Variants in AKAP19 observed in about 807,000 individuals in gnomAD.
The protein encoded by AKAP19 is A-kinase anchoring protein 19.
the AKAP19 span, among the ~76,000 whole-genome samples, chr2:190,116,069 G>A: frequency 2.7e-3 from 407 of 152,322 alleles, 2 homozygotes; most frequent in African/African-American, 9.2e-3. Flanking sequence ...TTAAATAGAA[G>A]AGGTATATTC....
the AKAP19 span, among the ~76,000 whole-genome samples, chr2:189,983,718 C>G: frequency 6.6e-6 from 1 of 152,178 alleles, no homozygotes; most frequent in African/African-American, 2.4e-5. Flanking sequence ...TCCTGGGAAC[C>G]CATTGGTCCC....
chr2:189,999,815 T>C, the AKAP19 span, among the ~76,000 whole-genome samples: 15 of 152,320 alleles, frequency 9.8e-5, no homozygotes, highest in African/African-American at 3.1e-4. Context: ...TCTTGGTTTA[T>C]TACTATTCAG....
the AKAP19 span, among the ~76,000 whole-genome samples, chr2:189,906,436 A>G: frequency 1.3e-5 from 2 of 152,052 alleles, no homozygotes; most frequent in African/African-American, 4.8e-5. Context: ...CATAACTGGG[A>G]ACAGTTATGT....
the AKAP19 span, chr2:190,062,203 T>C: frequency 2.5e-6 from 4 of 1,611,990 alleles, no homozygotes; most frequent in Non-Finnish European, 2.5e-6. Flanking sequence ...ACTGTTGATA[T>C]ACACTAATAG....
At chr2:189,959,092 T>C in the AKAP19 span, among the ~76,000 whole-genome samples, 61 of 152,188 alleles carry the variant, frequency 4.0e-4, no homozygotes, top group East Asian at 0.011. Flanking sequence ...AACTGGGTGA[T>C]GGAATATAAA....
the AKAP19 span, among the ~76,000 whole-genome samples, chr2:190,184,054 T>C: frequency 6.6e-6 from 1 of 152,118 alleles, no homozygotes; most frequent in Non-Finnish European, 1.5e-5. Context: ...GAACCACTCA[T>C]GGTGTTATAA....
At chr2:189,928,552 C>A in the AKAP19 span, among the ~76,000 whole-genome samples, 1 of 152,058 alleles carries the variant, frequency 6.6e-6, no homozygotes, top group Non-Finnish European at 1.5e-5. Flanking sequence ...AATTAATAAA[C>A]AGAAATTTAA....
At chr2:190,091,960 TTGAC>T in the AKAP19 span, among the ~76,000 whole-genome samples, 3 of 152,214 alleles carry the variant, frequency 2.0e-5, no homozygotes, top group Non-Finnish European at 2.9e-5. Flanking sequence ...AATAAACAAA[TTGAC>T]TGACTACAAT....
chr2:189,986,548 T>G, the AKAP19 span, among the ~76,000 whole-genome samples: 1 of 152,126 alleles, frequency 6.6e-6, no homozygotes, highest in Non-Finnish European at 1.5e-5. Context: ...GCATTTGGCT[T>G]AGCAAAATTT....
At chr2:190,168,619 C>T in the AKAP19 span, among the ~76,000 whole-genome samples, 4 of 152,228 alleles carry the variant, frequency 2.6e-5, no homozygotes, top group African/African-American at 9.7e-5. Context: ...CAAGTCACCT[C>T]TTGAATGCTT....
the AKAP19 span, among the ~76,000 whole-genome samples, chr2:189,940,763 C>T: frequency 2.6e-4 from 39 of 151,570 alleles, no homozygotes; most frequent in African/African-American, 9.2e-4. Context: ...TGGTGGCGGA[C>T]ACCTATAGGC....
the AKAP19 span, among the ~76,000 whole-genome samples, chr2:190,010,254 C>T: frequency 6.6e-6 from 1 of 152,144 alleles, no homozygotes; most frequent in Admixed American, 6.5e-5. Context: ...TCCATGGTAA[C>T]AGGCAGGAAA....
At chr2:190,199,586 C>G in the AKAP19 span, 1 of 473,008 alleles carries the variant, frequency 2.1e-6, no homozygotes, top group Non-Finnish European at 3.2e-6. Flanking sequence ...TTGTTTTTAC[C>G]TCAGATTTCT....
the AKAP19 span, among the ~76,000 whole-genome samples, chr2:189,903,022 A>G: frequency 6.6e-6 from 1 of 152,054 alleles, no homozygotes; most frequent in Non-Finnish European, 1.5e-5. Flanking sequence ...CAGGATAGAT[A>G]TTAGAGGATA....
chr2:190,154,154 T>A, the AKAP19 span, among the ~76,000 whole-genome samples: 1 of 152,342 alleles, frequency 6.6e-6, no homozygotes, highest in South Asian at 2.1e-4. Flanking sequence ...TACTAATTTC[T>A]ATGGTAATTG....
chr2:189,947,005 G>C, the AKAP19 span, among the ~76,000 whole-genome samples: 1 of 152,188 alleles, frequency 6.6e-6, no homozygotes, highest in African/African-American at 2.4e-5. Flanking sequence ...TATATAAGTT[G>C]TTCAAACTTT....
At chr2:190,137,915 C>T in the AKAP19 span, 3 of 4,162 alleles carry the variant, frequency 7.2e-4, no homozygotes, top group Non-Finnish European at 4.0e-3. Flanking sequence ...ATTGACACAC[C>T]AAACCCTTAC....
chr2:190,140,372 G>A, the AKAP19 span, among the ~76,000 whole-genome samples: 11 of 152,156 alleles, frequency 7.2e-5, no homozygotes, highest in African/African-American at 2.4e-4. Flanking sequence ...CAGTGTGGGG[G>A]CTCCCACACC....
the AKAP19 span, among the ~76,000 whole-genome samples, chr2:190,173,971 A>C: frequency 6.6e-6 from 1 of 151,898 alleles, no homozygotes; most frequent in Non-Finnish European, 1.5e-5. Context: ...CTCTGTCCTT[A>C]GTCACCTGCT....
Sources: gnomAD v4.1 joint callset for allele counts (sites outside exome capture counted in the v4.1 genomes callset) on GRCh38, gnomAD v4.1.1 for gene constraint, MANE v1.5 for transcripts, NCBI Gene and HGNC (gene_info 2026-07-23, HGNC 2026-07-21) for gene names.